The following DCHS2 variants were observed in gnomAD, a reference collection of about 807,000 sequenced individuals.
DCHS2 encodes protocadherin-23.
Under a neutral mutation model 182.4 loss-of-function variants are expected in DCHS2, and 142 were observed. That is an observed-to-expected ratio of 0.78 (90% CI 0.68 to 0.89). The LOEUF is 0.89. Ranked by LOEUF, DCHS2 falls within the 40% of genes least tolerant of loss-of-function variation. The pLI, the probability that DCHS2 is intolerant of heterozygous loss-of-function variation, is 0.00. For missense variants in DCHS2, 4,319 were observed against 4,198.6 expected (o/e 1.03, Z -0.79); for synonymous variants, 1,740 against 1,663.3 (o/e 1.05, Z -1.12).
At chr4:154,415,825 C>G (rs1732809559) in intron 1 of DCHS2, among the ~76,000 whole-genome samples, 1 of 152,040 alleles carries the variant, frequency 6.6e-6, no homozygotes, top group Non-Finnish European at 1.5e-5. Context: ...TGAGTTTTCT[C>G]CAAGGGAATT....
intron 1 of DCHS2, among the ~76,000 whole-genome samples, chr4:154,399,787 T>C (rs891247691): frequency 6.6e-6 from 1 of 152,212 alleles, no homozygotes; most frequent in African/African-American, 2.4e-5. Context: ...CGGAACATTC[T>C]GCTGAGGTTT....
intron 7 of DCHS2, among the ~76,000 whole-genome samples, chr4:154,325,855 G>A (rs1019615276): frequency 3.9e-5 from 6 of 152,204 alleles, no homozygotes; most frequent in Non-Finnish European, 8.8e-5. Flanking sequence ...CTTTTCCAAG[G>A]AAAAGCAATG....
At chr4:154,384,300 A>C (rs1184949392) in intron 1 of DCHS2, 2 of 1,567,494 alleles carry the variant, frequency 1.3e-6, no homozygotes, top group African/African-American at 1.4e-5. Flanking sequence ...TTGCCTCCTT[A>C]TTGAAACATC....
Position 154,236,226 on chromosome 4 carries a change from A to T in DCHS2, c.8426T>A (p.Val2809Glu), listed in dbSNP as rs755055599. The change falls in exon 20 of 20, where the codon GTA becomes GAA. Residue 2809 changes from valine to glutamate, a missense_variant. Coordinates refer to ENST00000357232, the MANE Select transcript of DCHS2 (RefSeq NM_001358235.2). ...TCCATGAGTGAGAAAACAGGGTGATACAATAGAATAGGTCAATTCTCCATA... is the reference window on the plus strand; with the variant it reads ...TCCATGAGTGAGAAAACAGGGTGATTCAATAGAATAGGTCAATTCTCCATA... ...GPYGELTYSI[V>E]SPCFLTHGMS... 1 of 1,614,038 alleles carries T rather than the reference A, an allele frequency of 6.2e-7. No individual in the cohort carries two copies. The highest frequency in any genetic ancestry group is 8.5e-7 in the Non-Finnish European group (1 of 1,179,958).
chr4:154,285,841 C>T (rs1734369752), intron 13 of DCHS2, among the ~76,000 whole-genome samples: 1 of 152,010 alleles, frequency 6.6e-6, no homozygotes, highest in African/African-American at 2.4e-5. Flanking sequence ...CTGGCTTCAA[C>T]ATCCACTGTA....
intron 13 of DCHS2, among the ~76,000 whole-genome samples, chr4:154,281,415 A>C (rs1449127508): frequency 6.6e-6 from 1 of 152,162 alleles, no homozygotes; most frequent in Non-Finnish European, 1.5e-5. Flanking sequence ...AAATTAGAAA[A>C]ACAATACCAT....
chr4:154,332,190 A>G (rs1736564782), intron 5 of DCHS2, among the ~76,000 whole-genome samples: 2 of 152,252 alleles, frequency 1.3e-5, no homozygotes, highest in African/African-American at 2.4e-5. Context: ...AAAAAGAACC[A>G]TATATTGGCA....
At chr4:154,429,673 C>G (rs1579075176) in intron 1 of DCHS2, among the ~76,000 whole-genome samples, 1 of 151,686 alleles carries the variant, frequency 6.6e-6, no homozygotes. Flanking sequence ...TAAAGTTACC[C>G]AATATCCTTC....
intron 1 of DCHS2, among the ~76,000 whole-genome samples, chr4:154,473,659 C>G (rs1017621686): frequency 3.3e-5 from 5 of 152,056 alleles, no homozygotes; most frequent in African/African-American, 4.8e-5. Flanking sequence ...GCTAGCCAAG[C>G]GTGAGGGGAT....
Position 154,333,333 on chromosome 4 carries a change from C to CCCCA in DCHS2, c.2874_2875insTGGG (p.Ala959TrpfsTer17), listed in dbSNP as rs779426080. 6.2e-7 allele frequency: 1 copy of CCCCA among 1,614,136 alleles called. No homozygotes were observed. ...ATGTTGACCTCGGTGCTGCTGCAGG[C>CCCCA]TGGGGCGCTGCCGAGCTGCGCCTGC... On this transcript the variant is annotated frameshift_variant, in exon 5 of 20. Transcript: ENST00000357232. LOFTEE classifies it high-confidence loss of function.
In DCHS2 at chr4:154,384,347, G is replaced by T. The variant is rs377639380; in HGVS notation, c.2053-6903C>A. Reference sequence around the variant, plus strand: ...ACCATGTTATGGCCCTCCTCCTCATGCACCACCTGACTGACCTCACCTCAG... The same window carrying T: ...ACCATGTTATGGCCCTCCTCCTCATTCACCACCTGACTGACCTCACCTCAG... On this transcript the variant is annotated intron_variant, in intron 1 of 19. Coordinates refer to ENST00000357232, the MANE Select transcript of DCHS2 (RefSeq NM_001358235.2). 1.7e-5 allele frequency: 27 copies of T among 1,606,468 alleles called. 1 individual carries two copies. Among genetic ancestry groups the T allele is most frequent in the Non-Finnish European group, 2.3e-5 (27 of 1,177,744 alleles).
In DCHS2 at chr4:154,489,584, G is replaced by A. The variant is rs1037804035; in HGVS notation, c.1772C>T (p.Ser591Phe). The A allele has an allele frequency of 5.2e-6, 8 of 1,550,646 alleles. No homozygotes were observed. Among genetic ancestry groups the A allele is most frequent in the Non-Finnish European group, 7.0e-6 (8 of 1,146,348 alleles). ...VQLSAPCNLG[S>F]LQSKMVHTAE... ...GGTGTGGACCATCTTTGATTGCAGG[G>A]AGCCGAGATTGCAGGGAGCCGAGAG... Residue 591 changes from serine (S) to phenylalanine (F), a missense_variant, in exon 1 of 20, where the codon TCC becomes TTC. Ser to Phe is a radical substitution (Grantham distance 155, BLOSUM62 -2). Coordinates refer to ENST00000357232, the MANE Select transcript of DCHS2 (RefSeq NM_001358235.2).
At chr4:154,266,323 GTTT>G (rs61615288) in intron 14 of DCHS2, among the ~76,000 whole-genome samples, 4 of 100,916 alleles carry the variant, frequency 4.0e-5, no homozygotes, top group African/African-American at 8.7e-5. Flanking sequence ...AGTTGCAGGG[GTTT>G]TTTTTTTGTT....
At chr4:154,472,615 G>A (rs548850363) in intron 1 of DCHS2, among the ~76,000 whole-genome samples, 1 of 152,208 alleles carries the variant, frequency 6.6e-6, no homozygotes, top group South Asian at 2.1e-4. Flanking sequence ...TCACCAAAAC[G>A]TCTACAATTA....
At chr4:154,405,947 C>T (rs1271200382) in intron 1 of DCHS2, among the ~76,000 whole-genome samples, 1 of 152,208 alleles carries the variant, frequency 6.6e-6, no homozygotes, top group Non-Finnish European at 1.5e-5. Flanking sequence ...ACATTTTGTC[C>T]TTAGGGGATA....
At position 154,491,035 on chromosome 4, in the gene DCHS2, G is replaced by T. The variant is rs181006176; in HGVS notation, c.321C>A (p.Ser107=). The change falls in exon 1 of 20, where the codon TCC becomes TCA. Residue 107 remains serine (S), a synonymous_variant. Transcript: ENST00000357232. The part of the protein sequence containing the change: ...EGSGFFLSED[S]DDSPLLDDFH... The stretch of plus-strand genomic sequence containing the variant: ...AGTCGTCCAGCAGCGGGGAGTCATC[G>T]GAGTCCTCCGACAGAAAGAAGCCGC... The T allele has an allele frequency of 6.4e-7, 1 of 1,551,062 alleles. No individual in the cohort carries two copies. The highest frequency in any genetic ancestry group is 1.4e-5 in the African/African-American group (1 of 73,172).
In DCHS2 at chr4:154,412,159, G is replaced by GA. The variant is rs140384608; in HGVS notation, c.2053-34716dup. On this transcript the variant is annotated intron_variant, in intron 1 of 19. Coordinates refer to ENST00000357232, the MANE Select transcript of DCHS2 (RefSeq NM_001358235.2). ...GAAATACAGTTCCCAAAGAGAGAGA[G>GA]AAAAAAAGCACAAAATTGCTAAGAT... Among the ~76,000 whole-genome samples, 1,038 of 152,158 alleles carry GA rather than the reference G, an allele frequency of 6.8e-3. 9 individuals carry two copies. Among genetic ancestry groups the GA allele is most frequent in the African/African-American group, 0.024 (977 of 41,530 alleles).
At chr4:154,317,277 T>G (rs1679957225) in intron 9 of DCHS2, among the ~76,000 whole-genome samples, 1 of 152,228 alleles carries the variant, frequency 6.6e-6, no homozygotes, top group Admixed American at 6.5e-5. Context: ...TCCATTCTTT[T>G]TAACAATCTG....
Position 154,235,500 on chromosome 4 carries a change from G to C in DCHS2, c.9152C>G (p.Ala3051Gly). ...ACTGCAGTCGTCAGTTTTCTGGAAG[G>C]CTTTGAGCACACTGGCATCCCGGGT... ...RVTRDASVLK[A>G]FQKTDDCSNE... is the part of the protein sequence containing the mutation. The change falls in exon 20 of 20, where the codon GCC (alanine) becomes GGC (glycine). Residue 3051 changes from alanine to glycine, a missense_variant. Ala to Gly is a moderately conservative substitution (Grantham distance 60, BLOSUM62 0). Coordinates refer to ENST00000357232, the MANE Select transcript of DCHS2 (RefSeq NM_001358235.2). The C allele has an allele frequency of 6.2e-7, 1 of 1,614,026 alleles. No individual in the cohort carries two copies. Among genetic ancestry groups the C allele is most frequent in the Non-Finnish European group, 8.5e-7 (1 of 1,179,974 alleles).
Sources: gnomAD v4.1 joint callset for allele counts (sites outside exome capture counted in the v4.1 genomes callset) on GRCh38, gnomAD v4.1.1 for gene constraint, MANE v1.5 for transcripts, NCBI Gene and HGNC (gene_info 2026-07-23, HGNC 2026-07-21) for gene names.